Variants in SOX6 observed in about 807,000 individuals in gnomAD.
SOX6 encodes transcription factor SOX-6.
In SOX6, 11 loss-of-function variants were observed where a neutral mutation model predicts 97.8. The observed-to-expected ratio is 0.11, with a 90% confidence interval of 0.07 to 0.19. SOX6 has a LOEUF of 0.19. Among genes scored for constraint, SOX6 ranks in the 10% least tolerant of loss-of-function variants. SOX6 has a pLI of 1.00. For synonymous variants in SOX6, 360 were observed against 371.4 expected (o/e 0.97, Z 0.35); for missense variants, 810 against 1,039.5 (o/e 0.78, Z 3.04).
In SOX6 at chr11:15,973,083, C is replaced by A; in HGVS notation, c.2213G>T (p.Gly738Val). ...AGCACCAGGATACACAACACCTGTT[C>A]CTGTGGTGATTGGAATCTGAGGCTG... Reference protein sequence around the residue: ...GQQPQIPITTGTGVVYPGAIT... With the variant: ...GQQPQIPITTVTGVVYPGAIT... Residue 738 changes from glycine (G) to valine (V), a missense_variant, in exon 16 of 16, where the codon GGA (glycine) becomes GTA (valine). Physicochemically the swap from Gly to Val is moderately radical, Grantham distance 109 (BLOSUM62 -3). Transcript: ENST00000683767. 2 of 1,614,076 alleles carry A rather than the reference C, an allele frequency of 1.2e-6. No individual in the cohort carries two copies. The highest frequency in any genetic ancestry group is 1.7e-6 in the Non-Finnish European group (2 of 1,180,020).
intron 2 of SOX6, among the ~76,000 whole-genome samples, chr11:16,723,668 G>A (rs867330633): frequency 3.3e-5 from 5 of 151,918 alleles, no homozygotes; most frequent in South Asian, 2.1e-4. Context: ...AAATTAGCCC[G>A]GCCTGGTGGT....
chr11:16,335,590 A>G (rs1199310094), intron 2 of SOX6, among the ~76,000 whole-genome samples: 7 of 152,208 alleles, frequency 4.6e-5, no homozygotes, highest in Admixed American at 4.6e-4. Flanking sequence ...AACTGGCAAC[A>G]ATTCAAGTTT....
chr11:16,727,093 A>G (rs1471872163), intron 2 of SOX6, among the ~76,000 whole-genome samples: 7 of 152,142 alleles, frequency 4.6e-5, no homozygotes, highest in Admixed American at 1.3e-4. Context: ...CAGAAAAAGC[A>G]TGGTGAAAAA....
intron 4 of SOX6, among the ~76,000 whole-genome samples, chr11:16,543,441 C>A: frequency 6.6e-6 from 1 of 151,586 alleles, no homozygotes. Flanking sequence ...TTTTAGTTCT[C>A]AGTATTGAAG....
At chr11:16,602,466 G>A (rs1293586488) in intron 4 of SOX6, among the ~76,000 whole-genome samples, 4 of 151,672 alleles carry the variant, frequency 2.6e-5, no homozygotes, top group African/African-American at 9.7e-5. Flanking sequence ...TTTTAAGAGG[G>A]ACAATTTCTC....
At chr11:15,992,325 T>A (rs1164363363) in intron 13 of SOX6, among the ~76,000 whole-genome samples, 1 of 152,208 alleles carries the variant, frequency 6.6e-6, no homozygotes, top group Non-Finnish European at 1.5e-5. Flanking sequence ...TTAAATTGAA[T>A]CTGATACCTG....
intron 6 of SOX6, among the ~76,000 whole-genome samples, chr11:16,138,754 T>C (rs1389376310): frequency 6.6e-6 from 1 of 150,620 alleles, no homozygotes; most frequent in Non-Finnish European, 1.5e-5. Flanking sequence ...CCTGTGTCCA[T>C]GTGTTCTCAT....
At chr11:16,014,468 T>A (rs1327813337) in intron 13 of SOX6, among the ~76,000 whole-genome samples, 1 of 152,130 alleles carries the variant, frequency 6.6e-6, no homozygotes, top group Non-Finnish European at 1.5e-5. Context: ...GATTTGGATA[T>A]GCTAAATATT....
At chr11:16,464,641 A>C (rs1859993789) in intron 1 of SOX6, among the ~76,000 whole-genome samples, 2 of 152,200 alleles carry the variant, frequency 1.3e-5, no homozygotes, top group African/African-American at 4.8e-5. Flanking sequence ...TATTTGATCT[A>C]TCAGATATAA....
chr11:16,022,300 CTTTG>C lies in SOX6; in HGVS notation c.1624-7254_1624-7251del, dbSNP rs1338473013. Among the ~76,000 whole-genome samples, 4 of 146,450 alleles carry C rather than the reference CTTTG, an allele frequency of 2.7e-5. No individual in the cohort carries two copies. The East Asian group carries it at 8.3e-4, about 31-fold the overall frequency. ...ATAGAACAATACATAACCAAAGATG[CTTTG>C]TTTTTCCTTCCTTCCTTCCTTCCTT... On this transcript the variant is annotated intron_variant, in intron 12 of 15. Coordinates refer to ENST00000683767, the MANE Select transcript of SOX6 (RefSeq NM_001367873.1).
chr11:16,521,681 G>A (rs546918618), intron 4 of SOX6, among the ~76,000 whole-genome samples: 28 of 152,150 alleles, frequency 1.8e-4, no homozygotes, highest in Middle Eastern at 3.2e-3. Flanking sequence ...AAACTACTCC[G>A]AGCTACAGGA....
chr11:16,091,572 A>G (rs1848688640), intron 9 of SOX6, among the ~76,000 whole-genome samples: 1 of 152,084 alleles, frequency 6.6e-6, no homozygotes. Context: ...TTCCATTTGT[A>G]GCACAAAAAT....
At chr11:16,444,183 T>G (rs1835424455) in intron 1 of SOX6, among the ~76,000 whole-genome samples, 1 of 152,164 alleles carries the variant, frequency 6.6e-6, no homozygotes, top group Admixed American at 6.5e-5. Context: ...TCAAAATCCC[T>G]TTGCCATCAA....
chr11:16,487,075 G>T (rs987983054), intron 4 of SOX6, among the ~76,000 whole-genome samples: 1 of 151,912 alleles, frequency 6.6e-6, no homozygotes, highest in Non-Finnish European at 1.5e-5. Context: ...TGCTAAATGT[G>T]GGCATGCTCA....
At chr11:16,502,640 T>A (rs1590225725) in intron 4 of SOX6, among the ~76,000 whole-genome samples, 1 of 152,156 alleles carries the variant, frequency 6.6e-6, no homozygotes, top group East Asian at 1.9e-4. Context: ...TGAAGGCAGG[T>A]CTTTTGAAAT....
intron 13 of SOX6, among the ~76,000 whole-genome samples, chr11:16,003,428 G>C (rs369282839): frequency 1.5e-3 from 234 of 152,086 alleles, no homozygotes; most frequent in Non-Finnish European, 2.5e-3. Flanking sequence ...GCTCTGACAG[G>C]TGGCACCCTA....
chr11:16,196,772 G>C (rs563082125), intron 4 of SOX6, among the ~76,000 whole-genome samples: 1 of 150,646 alleles, frequency 6.6e-6, no homozygotes, highest in East Asian at 2.0e-4. Context: ...TCAAATGGTA[G>C]AAATTTGGCT....
At chr11:16,631,013 A>G (rs529772473) in intron 3 of SOX6, among the ~76,000 whole-genome samples, 1 of 152,260 alleles carries the variant, frequency 6.6e-6, no homozygotes, top group South Asian at 2.1e-4. Context: ...GACAGCAGAC[A>G]GATGAGTCTT....
At chr11:16,543,416 A>G (rs1861437456) in intron 4 of SOX6, among the ~76,000 whole-genome samples, 1 of 151,810 alleles carries the variant, frequency 6.6e-6, no homozygotes, top group Admixed American at 6.6e-5. Flanking sequence ...AAAAAAAAAA[A>G]TCATCTTCAT....
Sources: gnomAD v4.1 joint callset for allele counts (sites outside exome capture counted in the v4.1 genomes callset) on GRCh38, gnomAD v4.1.1 for gene constraint, MANE v1.5 for transcripts, NCBI Gene and HGNC (gene_info 2026-07-23, HGNC 2026-07-21) for gene names.